The following SLC9A3 variants were observed in gnomAD, a reference collection of about 807,000 sequenced individuals.
SLC9A3 encodes solute carrier family 9 member A3, also known as sodium/hydrogen exchanger 3.
Under a neutral mutation model 86.8 loss-of-function variants are expected in SLC9A3, and 37 were observed. The ratio of observed to expected loss-of-function variants is 0.43; its 90% CI spans 0.33 to 0.56. The LOEUF (loss-of-function observed/expected upper bound fraction) is 0.56, where lower values mean the gene tolerates loss of function less well. Ranked by LOEUF, SLC9A3 falls within the 20% of genes least tolerant of loss-of-function variation. SLC9A3 has a pLI of 0.06. For missense variants in SLC9A3, 1,011 were observed against 1,171.9 expected, an observed-to-expected ratio of 0.86 and a Z score of 2.00; for synonymous variants, 581 against 528.3, an observed-to-expected ratio of 1.10 and a Z score of -1.37.
In SLC9A3 at chr5:470,697, T is replaced by C. The variant is rs576454293; in HGVS notation, c.*2682A>G. ...AATTAACATACACAATTTTCACTCA[T>C]AATTTAAAATATTTTGATGAAATTC... is the stretch of plus-strand genomic sequence containing the variant. On this transcript the variant is annotated 3_prime_UTR_variant, in exon 17 of 17. Coordinates refer to ENST00000264938, the MANE Select transcript of SLC9A3 (RefSeq NM_004174.4). 6 of 152,264 alleles carry C rather than the reference T, an allele frequency of 3.9e-5. No homozygotes were observed. Among genetic ancestry groups the C allele is most frequent in the African/African-American group, 1.4e-4 (6 of 41,558 alleles). The allele number at this position is 152,264 out of a possible 1,614,324, so 9.4% of individuals were successfully genotyped here.
chr5:507,273 T>C (rs1740638455), intron 1 of SLC9A3, among the ~76,000 whole-genome samples: 1 of 133,552 alleles, frequency 7.5e-6, no homozygotes, highest in African/African-American at 2.9e-5. Context: ...GTTCACGCCA[T>C]TCTCCTGCCT....
At position 497,897 on chromosome 5, in the gene SLC9A3, G is replaced by A. The variant is rs1740099051; in HGVS notation, c.212-5826C>T. On this transcript the variant is annotated intron_variant, in intron 1 of 16. Transcript: ENST00000264938. The surrounding 1 kb of genome is among the most constrained non-coding windows in gnomAD (Gnocchi z 5.4). ...CCAGCCTCTGCCCCTGTCCCGGGTG[G>A]GGTCGCCCGGCCGCATCCCCAGCCT... 6.7e-6 allele frequency among the ~76,000 whole-genome samples: 1 copy of A among 149,790 alleles called. No homozygotes were observed. The highest frequency in any genetic ancestry group is 2.5e-5 in the African/African-American group (1 of 40,800).
intron 1 of SLC9A3, among the ~76,000 whole-genome samples, chr5:511,601 A>T (rs1419600112): frequency 1.3e-5 from 2 of 152,252 alleles, no homozygotes; most frequent in African/African-American, 4.8e-5. Context: ...ACCACCACGT[A>T]CCCGTCAGCG....
At position 473,144 on chromosome 5, in the gene SLC9A3, C is replaced by T; in HGVS notation, c.*235G>A. On this transcript the variant is annotated 3_prime_UTR_variant, in exon 17 of 17. Coordinates refer to ENST00000264938, the MANE Select transcript of SLC9A3 (RefSeq NM_004174.4). ...GCGCACTCGGCAGCCCTCGGCGCTC[C>T]GGCCCCGCCCCCGGCGCAGGCCCCG... is the stretch of plus-strand genomic sequence containing the variant. 1 of 244,168 alleles carries T rather than the reference C, an allele frequency of 4.1e-6. No homozygotes were observed. The highest frequency in any genetic ancestry group is 7.9e-5 in the East Asian group (1 of 12,634). The allele number at this position is 244,168 out of a possible 1,614,324, so 15.1% of individuals were successfully genotyped here. A position where few individuals can be genotyped will look rare whatever the true frequency, so the allele number is the denominator to read the frequency against.
Position 476,586 on chromosome 5 carries a change from G to A in SLC9A3, c.1847C>T (p.Thr616Met), listed in dbSNP as rs755360958. 29 of 1,611,344 alleles carry A rather than the reference G, an allele frequency of 1.8e-5. No homozygotes were observed. Among genetic ancestry groups the A allele is most frequent in the African/African-American group, 8.0e-5 (6 of 75,032 alleles). Reference sequence around the variant, plus strand: ...CAGGTACTGCTGTAGCGTGTGGTGCGTGACCATGTCCTCCGCGTCCCGGAT... The same window carrying A: ...CAGGTACTGCTGTAGCGTGTGGTGCATGACCATGTCCTCCGCGTCCCGGAT... The part of the protein sequence containing the change: ...RSIRDAEDMV[T>M]HHTLQQYLYK... The change falls in exon 12 of 17, where the codon ACG becomes ATG. Residue 616 changes from threonine (T) to methionine (M), a missense_variant. Physicochemically the swap from Thr to Met is moderately conservative, Grantham distance 81. Transcript: ENST00000264938.
intron 13 of SLC9A3, 49 bp from the exon 14 acceptor site, chr5:476,141 GC>G (rs775868295): frequency 5.6e-6 from 9 of 1,611,716 alleles, no homozygotes; most frequent in African/African-American, 1.3e-5. Context: ...GCCACACCCA[GC>G]CCTGACTGCC....
chr5:490,740 G>A (rs897689102), intron 2 of SLC9A3, among the ~76,000 whole-genome samples: 16 of 152,326 alleles, frequency 1.1e-4, no homozygotes, highest in South Asian at 2.1e-4. Context: ...TGGCTAGGGC[G>A]GCTGCCCCAT....
chr5:475,234 G>A (rs1255928262), intron 15 of SLC9A3, 102 bp from the exon 16 acceptor site: 3 of 668,902 alleles, frequency 4.5e-6, no homozygotes, highest in Middle Eastern at 6.6e-4. Flanking sequence ...GAAAGTTAGG[G>A]TCACCGGGAA....
intron 3 of SLC9A3, among the ~76,000 whole-genome samples, chr5:485,504 C>A (rs1042340541): frequency 6.6e-6 from 1 of 152,268 alleles, no homozygotes; most frequent in Non-Finnish European, 1.5e-5. Flanking sequence ...GGGGCAGCTG[C>A]AAAGCTCCCT....
chr5:486,538 C>T (rs952859353), intron 3 of SLC9A3, among the ~76,000 whole-genome samples: 6 of 152,212 alleles, frequency 3.9e-5, no homozygotes, highest in African/African-American at 1.2e-4. Flanking sequence ...GGAACACCAT[C>T]TCCTCCAGGG....
intron 11 of SLC9A3, among the ~76,000 whole-genome samples, chr5:476,875 A>G (rs1296301552): frequency 6.6e-6 from 1 of 152,154 alleles, no homozygotes; most frequent in Non-Finnish European, 1.5e-5. Context: ...CTGACTCCCC[A>G]CGAGGCCTTC....
chr5:475,015 T>G lies in SLC9A3; in HGVS notation c.2369A>C (p.Gln790Pro). 6.2e-7 allele frequency: 1 copy of G among 1,612,312 alleles called. No individual in the cohort carries two copies. Among genetic ancestry groups the G allele is most frequent in the Non-Finnish European group, 8.5e-7 (1 of 1,179,772 alleles). The stretch of plus-strand genomic sequence containing the variant: ...GAAGGTGCCGGGAGAGTAGGGAATC[T>G]GCGTGCGGGCCCTCTGCGAGGGGAC... ...TVVPSQRART[Q>P]IPYSPGTFCR... is the part of the protein sequence containing the mutation. The change falls in exon 16 of 17, where the codon CAG becomes CCG. Residue 790 changes from glutamine to proline, a missense_variant. Gln to Pro is a moderately conservative substitution (Grantham distance 76). Around this residue, in one of 3 missense-constraint regions of SLC9A3, gnomAD observed 397 missense variants for 346.3 expected, o/e 1.15. Coordinates refer to ENST00000264938, the MANE Select transcript of SLC9A3 (RefSeq NM_004174.4).
chr5:483,195 C>T, intron 6 of SLC9A3, 67 bp downstream of exon 6: 1 of 1,250,146 alleles, frequency 8.0e-7, no homozygotes, highest in South Asian at 1.3e-5. Flanking sequence ...AGTAGAAAGC[C>T]TGCGCCTTCC....
At chr5:489,012 C>T (rs1051945165) in intron 2 of SLC9A3, among the ~76,000 whole-genome samples, 5 of 152,300 alleles carry the variant, frequency 3.3e-5, no homozygotes, top group East Asian at 1.9e-4. Context: ...AGCTCCCGGC[C>T]GGCTTCCCTC....
chr5:510,654 G>A (rs1740835093), intron 1 of SLC9A3, among the ~76,000 whole-genome samples: 1 of 152,238 alleles, frequency 6.6e-6, no homozygotes, highest in Non-Finnish European at 1.5e-5. Context: ...GCTACCCACA[G>A]GCTGGAACAG....
At chr5:492,689 C>T (rs73730831) in intron 1 of SLC9A3, among the ~76,000 whole-genome samples, 6,395 of 152,134 alleles carry the variant, frequency 0.042, 401 homozygotes, top group African/African-American at 0.14. Flanking sequence ...GCCGCCCCAC[C>T]GCCCGGCTGG....
chr5:478,880 C>G (rs1161221170), intron 10 of SLC9A3: 1 of 154,548 alleles, frequency 6.5e-6, no homozygotes, highest in Non-Finnish European at 1.5e-5. Flanking sequence ...GCCCTCCTGA[C>G]AGCCCCAGGC....
chr5:503,225 G>A (rs1016344284), intron 1 of SLC9A3, among the ~76,000 whole-genome samples: 1 of 152,184 alleles, frequency 6.6e-6, no homozygotes, highest in Non-Finnish European at 1.5e-5. Context: ...GAGAAAAAAT[G>A]GTTTTTAAAG....
Position 471,302 on chromosome 5 carries a change from TTC to T in SLC9A3, c.*2075_*2076del, listed in dbSNP as rs1738346144. 5.7e-6 allele frequency: 1 copy of T among 175,100 alleles called. No homozygotes were observed. The highest frequency in any genetic ancestry group is 2.4e-5 in the African/African-American group (1 of 42,086). The allele number at this position is 175,100 out of a possible 1,614,324, so 10.8% of individuals were successfully genotyped here. A position where few individuals can be genotyped will look rare whatever the true frequency, so the allele number is the denominator to read the frequency against. On this transcript the variant is annotated 3_prime_UTR_variant, in exon 17 of 17. Transcript: ENST00000264938. ...GGCCAAGCAGTTGCCTGGACTCAGCTTCTGACTCTGCAGCTGGGAGTCAGATG... is the reference window on the plus strand; with the variant it reads ...GGCCAAGCAGTTGCCTGGACTCAGCTTGACTCTGCAGCTGGGAGTCAGATG...
Sources: gnomAD v4.1 joint callset for allele counts (sites outside exome capture counted in the v4.1 genomes callset) on GRCh38, gnomAD v4.1.1 for gene constraint, gnomAD v4.1.1 regional missense constraint, Gnocchi (gnomAD v3.1) non-coding constraint, MANE v1.5 for transcripts, NCBI Gene and HGNC (gene_info 2026-07-23, HGNC 2026-07-21) for gene names.